Variants in LIX1 observed in about 807,000 individuals in gnomAD.
LIX1 encodes protein limb expression 1 homolog.
LIX1 carries 24 observed loss-of-function variants against 33.4 expected under a neutral mutation model. That is an observed-to-expected ratio of 0.72 (90% confidence interval 0.52 to 1.01). The LOEUF (loss-of-function observed/expected upper bound fraction) is 1.01. LIX1 is among the 50% of genes least tolerant of loss of function. The probability of loss-of-function intolerance (pLI) is 0.00; values close to 1 mark genes in which losing one functional copy is unlikely to be tolerated. For synonymous variants in LIX1, 124 were observed against 124.0 expected, an observed-to-expected ratio of 1.00 and a Z score of 0.00; for missense variants, 311 against 339.2, an observed-to-expected ratio of 0.92 and a Z score of 0.65.
Position 97,112,269 on chromosome 5 carries a change from G to T in LIX1, c.247-4769C>A, listed in dbSNP as rs1161566373. Among the ~76,000 whole-genome samples the T allele has an allele frequency of 5.3e-5, 8 of 152,308 alleles. No individual in the cohort carries two copies. The East Asian group carries it at 1.5e-3, about 29-fold the overall frequency. On this transcript the variant is annotated intron_variant, in intron 2 of 5. Transcript: ENST00000274382. Reference sequence around the variant, plus strand: ...TTGGTTGCAATCTAAATCAGAATGTGAATGTTGCTGTAAGAACAGGCACTG... The same window carrying T: ...TTGGTTGCAATCTAAATCAGAATGTTAATGTTGCTGTAAGAACAGGCACTG...
At chr5:97,135,005 G>A (rs1024646823) in intron 1 of LIX1, among the ~76,000 whole-genome samples, 2 of 152,284 alleles carry the variant, frequency 1.3e-5, no homozygotes, top group African/African-American at 4.8e-5. Flanking sequence ...TGGAAAGCTG[G>A]TTGTGTTTCT....
At chr5:97,110,016 G>C (rs1171563902) in intron 2 of LIX1, among the ~76,000 whole-genome samples, 2 of 152,160 alleles carry the variant, frequency 1.3e-5, no homozygotes, top group Non-Finnish European at 2.9e-5. Context: ...CCATATTTTT[G>C]CAATTGCAAA....
chr5:97,097,261 G>A (rs1746429730), intron 4 of LIX1, among the ~76,000 whole-genome samples: 1 of 152,092 alleles, frequency 6.6e-6, no homozygotes, highest in African/African-American at 2.4e-5. Context: ...AAAATTGCTC[G>A]AGACTGACAG....
chr5:97,138,493 G>A (rs1051895978), intron 1 of LIX1, among the ~76,000 whole-genome samples: 4 of 152,128 alleles, frequency 2.6e-5, no homozygotes, highest in African/African-American at 4.8e-5. Flanking sequence ...TTTCCGCAAC[G>A]CAACATAAGG....
chr5:97,093,981 A>G lies in LIX1; in HGVS notation c.*767T>C, dbSNP rs530056934. ...AAGAACAAATTAGTTCAGGTTATCG[A>G]TTTGCAAATTAAAAATGAACAAAAT... On this transcript the variant is annotated 3_prime_UTR_variant, in exon 6 of 6. Coordinates refer to ENST00000274382, the MANE Select transcript of LIX1 (RefSeq NM_153234.5). 1.9e-4 allele frequency: 29 copies of G among 152,496 alleles called. No homozygotes were observed. Among genetic ancestry groups the G allele is most frequent in the African/African-American group, 7.0e-4 (29 of 41,592 alleles). 9.4% of individuals were successfully genotyped at this position (152,496 alleles called of 1,614,324 possible). A position where few individuals can be genotyped will look rare whatever the true frequency, so the allele number is the denominator to read the frequency against.
At chr5:97,095,561 G>A (rs941005016) in intron 5 of LIX1, among the ~76,000 whole-genome samples, 3 of 152,202 alleles carry the variant, frequency 2.0e-5, no homozygotes, top group Non-Finnish European at 4.4e-5. Flanking sequence ...TAGCACAAGG[G>A]AGATGGTCCA....
intron 2 of LIX1, among the ~76,000 whole-genome samples, chr5:97,123,561 C>T (rs1747836985): frequency 6.6e-6 from 1 of 152,196 alleles, no homozygotes; most frequent in South Asian, 2.1e-4. Context: ...GCCTCTCAGC[C>T]ATTTAAATCG....
chr5:97,104,874 T>C (rs1262375049), intron 4 of LIX1, among the ~76,000 whole-genome samples: 1 of 152,162 alleles, frequency 6.6e-6, no homozygotes, highest in East Asian at 1.9e-4. Context: ...CATGTCAAAC[T>C]GTTATCATTG....
rs77214694 is a variant in LIX1, at chr5:97,130,536, A to G, written c.83-5907T>C. On this transcript the variant is annotated intron_variant, in intron 1 of 5. Coordinates refer to ENST00000274382, the MANE Select transcript of LIX1 (RefSeq NM_153234.5). ...GCAGAGGGGTAGCAGTTGGGCTGAC[A>G]CTGAATTAAGGATGAGCTGAGCAAC... Among the ~76,000 whole-genome samples the G allele has an allele frequency of 5.0e-3, 768 of 152,304 alleles. 10 individuals are homozygous for G. Among genetic ancestry groups the G allele is most frequent in the African/African-American group, 0.017 (710 of 41,562 alleles).
intron 1 of LIX1, among the ~76,000 whole-genome samples, chr5:97,126,727 C>T (rs1314136854): frequency 1.3e-5 from 2 of 148,784 alleles, no homozygotes; most frequent in Non-Finnish European, 3.0e-5. Context: ...GCAAGCTCTG[C>T]CTCCCTGGTT....
At chr5:97,108,366 T>C (rs897188627) in intron 2 of LIX1, among the ~76,000 whole-genome samples, 1 of 152,136 alleles carries the variant, frequency 6.6e-6, no homozygotes, top group Non-Finnish European at 1.5e-5. Flanking sequence ...AAAAATTCAC[T>C]CCTCTCAAAT....
chr5:97,131,635 C>T (rs1748058690), intron 1 of LIX1, among the ~76,000 whole-genome samples: 1 of 152,228 alleles, frequency 6.6e-6, no homozygotes, highest in South Asian at 2.1e-4. Flanking sequence ...GCAACTCTGG[C>T]TCATTCTTCT....
chr5:97,125,632 A>G (rs1056522913), intron 1 of LIX1, among the ~76,000 whole-genome samples: 1 of 152,192 alleles, frequency 6.6e-6, no homozygotes, highest in Non-Finnish European at 1.5e-5. Flanking sequence ...CTCATTTCTG[A>G]GGCCTCAAAA....
At chr5:97,135,684 T>C (rs541361989) in intron 1 of LIX1, among the ~76,000 whole-genome samples, 2 of 152,004 alleles carry the variant, frequency 1.3e-5, no homozygotes, top group South Asian at 4.1e-4. Context: ...CTAGGTGCAG[T>C]AGTGGGCGCC....
At chr5:97,108,685 C>A (rs896372377) in intron 2 of LIX1, among the ~76,000 whole-genome samples, 2 of 152,046 alleles carry the variant, frequency 1.3e-5, no homozygotes, top group African/African-American at 2.4e-5. Context: ...GAAGTCCAGG[C>A]CTGGGTCCTG....
chr5:97,121,351 CCT>C (rs1747781082), intron 2 of LIX1, among the ~76,000 whole-genome samples: 1 of 151,942 alleles, frequency 6.6e-6, no homozygotes, highest in African/African-American at 2.4e-5. Flanking sequence ...AAGAAAATTG[CCT>C]CTGTTATTTA....
In LIX1 at chr5:97,103,841, T is replaced by C. The variant is rs547736719; in HGVS notation, c.483+1349A>G. On this transcript the variant is annotated intron_variant, in intron 4 of 5. Transcript: ENST00000274382. ...TTAGCCGGGCATGGTGGTGGGCGCC[T>C]GTAGTCCCAGCTACTCAGGAGGCTG... Among the ~76,000 whole-genome samples the C allele has an allele frequency of 6.6e-5, 10 of 152,002 alleles. No homozygotes were observed. In the South Asian group the frequency reaches 1.9e-3, roughly 29 times the overall value.
chr5:97,107,860 G>GA (rs199756470), intron 2 of LIX1, among the ~76,000 whole-genome samples: 2,428 of 151,432 alleles, frequency 0.016, 58 homozygotes, highest in African/African-American at 0.056. Context: ...CCCTATTTCA[G>GA]AAAAAAAATG....
At chr5:97,137,219 C>A (rs141877406) in intron 1 of LIX1, 441 of 402,084 alleles carry the variant, frequency 1.1e-3, no homozygotes, top group Middle Eastern at 5.2e-3. Context: ...CAACCACCAC[C>A]AAAGACCTCT....
Sources: allele counts gnomAD v4.1 joint callset (sites outside exome capture counted in the v4.1 genomes callset), GRCh38; gene constraint gnomAD v4.1.1; transcripts MANE v1.5; gene names NCBI Gene and HGNC (gene_info 2026-07-23, HGNC 2026-07-21).